The following PRIM2 variants were observed in gnomAD, a reference collection of about 807,000 sequenced individuals.
The protein encoded by PRIM2 is DNA primase subunit 2.
A neutral mutation model predicts 67.3 loss-of-function variants in PRIM2; 39 were observed. The ratio of observed to expected loss-of-function variants is 0.58; its 90% CI spans 0.45 to 0.76. The LOEUF is 0.76. Among genes scored for constraint, PRIM2 ranks in the 30% least tolerant of loss-of-function variants. The pLI, the probability that PRIM2 is intolerant of heterozygous loss-of-function variation, is 0.00. For synonymous variants in PRIM2, 143 were observed against 198.7 expected (o/e 0.72, Z 2.36); for missense variants, 398 against 598.7 (o/e 0.66, Z 3.50).
chr6:57,642,221 G>T (rs1263217856), intron 13 of PRIM2, among the ~76,000 whole-genome samples: 1 of 151,866 alleles, frequency 6.6e-6, no homozygotes, highest in Non-Finnish European at 1.5e-5. Flanking sequence ...CACACACCAG[G>T]GCCTGTTTGG....
upstream of PRIM2, among the ~76,000 whole-genome samples, chr6:57,310,309 C>T (rs140433860): frequency 0.098 from 14,852 of 152,228 alleles, 815 homozygotes; most frequent in African/African-American, 0.14. Flanking sequence ...TTGCACCGCC[C>T]TTAATCCATT....
rs1775426100 is a variant in PRIM2, at chr6:57,552,612, A to T, written c.1020+14987A>T. On this transcript the variant is annotated intron_variant, in intron 10 of 13. Transcript: ENST00000615550. ...AGGTGTGTGAGTCTTGGGCACAATTAATCTTTTTACCTACTATATGCTTTA... is the reference window on the plus strand; with the variant it reads ...AGGTGTGTGAGTCTTGGGCACAATTTATCTTTTTACCTACTATATGCTTTA... 2.0e-5 allele frequency among the ~76,000 whole-genome samples: 3 copies of T among 152,292 alleles called. No individual in the cohort carries two copies. In the South Asian group the frequency reaches 6.2e-4, roughly 32 times the overall value.
intron 7 of PRIM2, among the ~76,000 whole-genome samples, chr6:57,493,180 A>G (rs1461931233): frequency 6.6e-6 from 1 of 152,166 alleles, no homozygotes; most frequent in Non-Finnish European, 1.5e-5. Flanking sequence ...AGTGAGTAGC[A>G]TCTTCATTCT....
At chr6:57,554,563 A>T (rs1306877169) in intron 10 of PRIM2, among the ~76,000 whole-genome samples, 5 of 152,178 alleles carry the variant, frequency 3.3e-5, no homozygotes, top group Non-Finnish European at 7.3e-5. Flanking sequence ...GCCAGCAGTG[A>T]CTAACAACTC....
rs1434322315 is a variant in PRIM2 at position 57,357,026 on chromosome 6, T to C, written c.460-22875T>C. 4.6e-5 allele frequency among the ~76,000 whole-genome samples: 7 copies of C among 150,912 alleles called. 1 individual carries two copies. The East Asian group carries it at 1.4e-3, about 30-fold the overall frequency. On this transcript the variant is annotated intron_variant, in intron 5 of 13. Transcript: ENST00000615550. Reference sequence around the variant, plus strand: ...TCAGCTCACTGCAACCTCGGCCTCCTGGGTTCAAGTGATTCTCCTGCCTCA... The same window carrying C: ...TCAGCTCACTGCAACCTCGGCCTCCCGGGTTCAAGTGATTCTCCTGCCTCA...
intron 12 of PRIM2, among the ~76,000 whole-genome samples, chr6:57,621,065 T>C (rs1776843864): frequency 1.3e-5 from 2 of 152,246 alleles, no homozygotes. Flanking sequence ...TACCTTCTTT[T>C]GCATTAAATT....
At chr6:57,571,859 G>A (rs1775869657) in intron 10 of PRIM2, among the ~76,000 whole-genome samples, 1 of 152,146 alleles carries the variant, frequency 6.6e-6, no homozygotes, top group South Asian at 2.1e-4. Context: ...GACAGAAAAT[G>A]TGCAAGGCAC....
At chr6:57,335,588 C>G (rs1235888345) in intron 5 of PRIM2, among the ~76,000 whole-genome samples, 5 of 152,170 alleles carry the variant, frequency 3.3e-5, no homozygotes, top group Non-Finnish European at 5.9e-5. Flanking sequence ...GGAGGCACCC[C>G]CCAGCAGGGG....
intron 8 of PRIM2, among the ~76,000 whole-genome samples, chr6:57,525,593 T>C (rs1317777804): frequency 2.6e-5 from 4 of 152,202 alleles, no homozygotes; most frequent in Non-Finnish European, 4.4e-5. Context: ...CCTAGACCTG[T>C]TGTCCGGCAT....
chr6:57,298,158 G>A, the PRIM2 span, among the ~76,000 whole-genome samples: 2 of 152,072 alleles, frequency 1.3e-5, no homozygotes, highest in African/African-American at 4.8e-5. Flanking sequence ...TCAGGAGTTC[G>A]AGACCAGCAG....
chr6:57,510,703 G>T (rs1774347548), intron 8 of PRIM2, among the ~76,000 whole-genome samples: 2 of 152,136 alleles, frequency 1.3e-5, no homozygotes, highest in Non-Finnish European at 2.9e-5. Context: ...ACATGTATAT[G>T]TCGGGTGGCA....
intron 7 of PRIM2, among the ~76,000 whole-genome samples, chr6:57,440,348 A>G (rs1286523856): frequency 6.6e-6 from 1 of 152,076 alleles, no homozygotes; most frequent in Non-Finnish European, 1.5e-5. Context: ...GCAGTGTTAT[A>G]GTGTGATCAT....
intron 5 of PRIM2, among the ~76,000 whole-genome samples, chr6:57,362,085 T>C (rs1290400677): frequency 1.3e-5 from 2 of 152,158 alleles, no homozygotes; most frequent in Admixed American, 1.3e-4. Context: ...ACTAAAAATA[T>C]TGAATTGGGT....
intron 12 of PRIM2, among the ~76,000 whole-genome samples, chr6:57,618,845 G>A (rs1241863576): frequency 6.9e-6 from 1 of 144,774 alleles, no homozygotes; most frequent in Non-Finnish European, 1.5e-5. Flanking sequence ...TACCCACCCA[G>A]GTAGCAGAAG....
chr6:57,452,943 AT>A, intron 7 of PRIM2, among the ~76,000 whole-genome samples: 1 of 152,112 alleles, frequency 6.6e-6, no homozygotes, highest in African/African-American at 2.4e-5. Context: ...TCTTTAATCC[AT>A]CTTGAATTAA....
intron 7 of PRIM2, among the ~76,000 whole-genome samples, chr6:57,480,698 C>T (rs1233925831): frequency 3.4e-4 from 52 of 152,204 alleles, no homozygotes; most frequent in African/African-American, 7.9e-4. Flanking sequence ...GTGCGATCTC[C>T]GCTCACTGCA....
At chr6:57,521,609 G>A (rs1408942534) in intron 8 of PRIM2, among the ~76,000 whole-genome samples, 8 of 151,862 alleles carry the variant, frequency 5.3e-5, no homozygotes, top group African/African-American at 1.9e-4. Context: ...ACTTTTTAAT[G>A]GTCCAAATAA....
chr6:57,339,296 A>G (rs1768385452), intron 5 of PRIM2, among the ~76,000 whole-genome samples: 1 of 152,156 alleles, frequency 6.6e-6, no homozygotes, highest in Admixed American at 6.5e-5. Context: ...TAATTTACAG[A>G]TTCAATGCCA....
intron 9 of PRIM2, among the ~76,000 whole-genome samples, chr6:57,534,969 T>C (rs1774973551): frequency 1.3e-5 from 2 of 152,234 alleles, no homozygotes; most frequent in South Asian, 4.1e-4. Context: ...TGTTTTGGCA[T>C]CAGATGTTAT....
Sources: allele counts gnomAD v4.1 joint callset (sites outside exome capture counted in the v4.1 genomes callset), GRCh38; gene constraint gnomAD v4.1.1; transcripts MANE v1.5; gene names NCBI Gene and HGNC (gene_info 2026-07-23, HGNC 2026-07-21).